Variants in MAF observed in about 807,000 individuals in gnomAD.
MAF encodes MAF bZIP transcription factor.
MAF carries 10 observed loss-of-function variants against 22.0 expected under a neutral mutation model. The observed-to-expected ratio is 0.45, with a 90% CI of 0.28 to 0.77. The LOEUF (loss-of-function observed/expected upper bound fraction) is 0.77, where lower values mean the gene tolerates loss of function less well. Ranked by LOEUF, MAF falls within the 30% of genes least tolerant of loss-of-function variation. The pLI is 0.12. For synonymous variants in MAF, 337 were observed against 255.8 expected, an observed-to-expected ratio of 1.32 and a Z score of -3.03; for missense variants, 544 against 548.4, an observed-to-expected ratio of 0.99 and a Z score of 0.08.
At chr16:79,221,416 C>G in the MAF span, among the ~76,000 whole-genome samples, 1 of 152,128 alleles carries the variant, frequency 6.6e-6, no homozygotes, top group East Asian at 1.9e-4. Context: ...TATGTGTTCC[C>G]AAAGCATTCA....
At chr16:79,396,171 C>T in the MAF span, among the ~76,000 whole-genome samples, 1 of 152,164 alleles carries the variant, frequency 6.6e-6, no homozygotes, top group Non-Finnish European at 1.5e-5. Context: ...GCAGGACAGG[C>T]CTCCTCCTGA....
the MAF span, among the ~76,000 whole-genome samples, chr16:79,233,843 T>G: frequency 6.6e-6 from 1 of 151,780 alleles, no homozygotes; most frequent in African/African-American, 2.4e-5. Context: ...AATACAAAAA[T>G]TAGCCGGGTG....
the MAF span, among the ~76,000 whole-genome samples, chr16:79,570,852 G>A: frequency 2.0e-5 from 3 of 152,190 alleles, no homozygotes; most frequent in South Asian, 2.1e-4. Flanking sequence ...TGTTCTGTGC[G>A]AGTTTCTGTG....
At chr16:79,588,689 T>C (rs1373949352) in intron 1 of MAF, among the ~76,000 whole-genome samples, 1 of 152,132 alleles carries the variant, frequency 6.6e-6, no homozygotes, top group Non-Finnish European at 1.5e-5. Context: ...CTCAAACTCC[T>C]GACCTCAGGT....
At chr16:79,555,892 G>A in the MAF span, among the ~76,000 whole-genome samples, 7 of 152,126 alleles carry the variant, frequency 4.6e-5, no homozygotes, top group Non-Finnish European at 8.8e-5. Flanking sequence ...CCTGTTAATG[G>A]TATTTCTACG....
chr16:79,308,179 A>C, the MAF span, among the ~76,000 whole-genome samples: 160 of 152,360 alleles, frequency 1.1e-3, 1 homozygote, highest in Admixed American at 9.5e-3. Context: ...AATACGGATC[A>C]CTGCAGCTGA....
chr16:79,325,264 A>G, the MAF span, among the ~76,000 whole-genome samples: 4,696 of 152,292 alleles, frequency 0.031, 81 homozygotes, highest in Middle Eastern at 0.054. Flanking sequence ...CCTGATTTGG[A>G]AAGACAGACG....
chr16:79,402,787 G>A, the MAF span, among the ~76,000 whole-genome samples: 2 of 152,230 alleles, frequency 1.3e-5, no homozygotes, highest in Admixed American at 1.3e-4. Context: ...CTTTCCTCTT[G>A]CTCTGTGGAG....
At chr16:79,332,267 T>A in the MAF span, among the ~76,000 whole-genome samples, 1 of 152,184 alleles carries the variant, frequency 6.6e-6, no homozygotes, top group East Asian at 1.9e-4. Context: ...CTACTGCCCC[T>A]AGGTAAGATT....
chr16:79,213,695 T>C, the MAF span, among the ~76,000 whole-genome samples: 14 of 152,184 alleles, frequency 9.2e-5, no homozygotes, highest in African/African-American at 3.4e-4. Flanking sequence ...AGCAGTTAGT[T>C]AGTTAGACAT....
At chr16:79,257,331 G>A in the MAF span, among the ~76,000 whole-genome samples, 3 of 152,084 alleles carry the variant, frequency 2.0e-5, no homozygotes, top group Admixed American at 2.0e-4. Context: ...GGGAGCTAAG[G>A]TCTTTCTCTA....
At chr16:79,320,002 A>G in the MAF span, among the ~76,000 whole-genome samples, 18,950 of 152,222 alleles carry the variant, frequency 0.12, 1,465 homozygotes, top group East Asian at 0.28. Context: ...GATCCAGCCC[A>G]GGTGATATCC....
At chr16:79,524,246 G>A in the MAF span, among the ~76,000 whole-genome samples, 1 of 152,268 alleles carries the variant, frequency 6.6e-6, no homozygotes, top group East Asian at 1.9e-4. Context: ...TTCCGCAGGG[G>A]GAGTTAATTT....
At chr16:79,545,608 A>ACC in the MAF span, among the ~76,000 whole-genome samples, 4 of 149,992 alleles carry the variant, frequency 2.7e-5, no homozygotes, top group African/African-American at 9.8e-5. Context: ...TGCAACCCCC[A>ACC]CCCCCCCACA....
At chr16:79,596,755 T>G in intron 1 of MAF, 7 of 1,045,844 alleles carry the variant, frequency 6.7e-6, no homozygotes, top group Non-Finnish European at 8.1e-6. Flanking sequence ...TGTGGATTTT[T>G]TTTTAAGTTA....
chr16:79,483,703 G>A, the MAF span, among the ~76,000 whole-genome samples: 1 of 152,162 alleles, frequency 6.6e-6, no homozygotes, highest in Non-Finnish European at 1.5e-5. Flanking sequence ...CTCAAATCAT[G>A]TAGCTCACAG....
chr16:79,540,546 C>A, the MAF span, among the ~76,000 whole-genome samples: 2 of 152,176 alleles, frequency 1.3e-5, no homozygotes, highest in African/African-American at 4.8e-5. Flanking sequence ...CCCATCAGCA[C>A]CCCACCCTGC....
the MAF span, among the ~76,000 whole-genome samples, chr16:79,519,395 G>A: frequency 2.0e-5 from 3 of 152,170 alleles, no homozygotes; most frequent in Non-Finnish European, 4.4e-5. Context: ...GAACATCTAC[G>A]GTCTGCCTCT....
At chr16:79,391,651 C>T in the MAF span, among the ~76,000 whole-genome samples, 1 of 152,084 alleles carries the variant, frequency 6.6e-6, no homozygotes, top group African/African-American at 2.4e-5. Flanking sequence ...GGGTCGGCTT[C>T]CCACGCTGAA....
Sources: gnomAD v4.1 joint callset for allele counts (sites outside exome capture counted in the v4.1 genomes callset) on GRCh38, gnomAD v4.1.1 for gene constraint, MANE v1.5 for transcripts, NCBI Gene and HGNC (gene_info 2026-07-23, HGNC 2026-07-21) for gene names.